PTPRK: variants seen among roughly 807,000 people sequenced by gnomAD.
The protein encoded by PTPRK is protein tyrosine phosphatase receptor type K, also known as receptor-type tyrosine-protein phosphatase kappa.
A neutral mutation model predicts 178.0 loss-of-function variants in PTPRK; 75 were observed. That is an observed-to-expected ratio of 0.42 (90% CI 0.35 to 0.51). The LOEUF (loss-of-function observed/expected upper bound fraction) is 0.51. Ranked by LOEUF, PTPRK falls within the 20% of genes least tolerant of loss-of-function variation. PTPRK has a pLI of 0.02. For synonymous variants in PTPRK, 637 were observed against 620.6 expected (o/e 1.03, Z -0.39); for missense variants, 1,441 against 1,797.8 (o/e 0.80, Z 3.59).
chr6:128,351,635 A>C (rs1041213732), intron 2 of PTPRK, among the ~76,000 whole-genome samples: 1 of 152,180 alleles, frequency 6.6e-6, no homozygotes, highest in Non-Finnish European at 1.5e-5. Flanking sequence ...GAACTCCCAA[A>C]ACCCTAAGGG....
chr6:128,183,205 C>G (rs777919296), intron 7 of PTPRK, among the ~76,000 whole-genome samples: 19 of 152,062 alleles, frequency 1.2e-4, no homozygotes, highest in Non-Finnish European at 2.8e-4. Context: ...ATTTCTCTGA[C>G]TAGTTGAGAT....
chr6:128,081,689 A>G (rs557508948), intron 10 of PTPRK, among the ~76,000 whole-genome samples: 1 of 152,144 alleles, frequency 6.6e-6, no homozygotes, highest in South Asian at 2.1e-4. Context: ...CTCTTCATTT[A>G]CATATACAAT....
Position 128,066,870 on chromosome 6 carries a change from G to C in PTPRK, c.2157+649C>G, listed in dbSNP as rs1781866472. Among the ~76,000 whole-genome samples the C allele has an allele frequency of 2.6e-5, 4 of 152,172 alleles. No homozygotes were observed. The South Asian group carries it at 8.3e-4, about 32-fold the overall frequency. On this transcript the variant is annotated intron_variant, in intron 12 of 29. Transcript: ENST00000368226. ...TGTTTTCCTCTTCAATATTCATTTGGGATCAGCAGCAGTGTTCAAAAACAA... is the reference window on the plus strand; with the variant it reads ...TGTTTTCCTCTTCAATATTCATTTGCGATCAGCAGCAGTGTTCAAAAACAA...
chr6:128,282,985 C>T (rs1821915056), intron 3 of PTPRK, among the ~76,000 whole-genome samples: 2 of 152,076 alleles, frequency 1.3e-5, no homozygotes, highest in African/African-American at 2.4e-5. Context: ...TATATGAGTC[C>T]TATGTGGAAA....
At chr6:128,439,923 T>C (rs1846072483) in intron 1 of PTPRK, among the ~76,000 whole-genome samples, 1 of 152,206 alleles carries the variant, frequency 6.6e-6, no homozygotes, top group East Asian at 1.9e-4. Flanking sequence ...CCCTATCTTT[T>C]CCTTTTCTTT....
intron 2 of PTPRK, among the ~76,000 whole-genome samples, chr6:128,342,782 T>A (rs1484161010): frequency 6.6e-6 from 1 of 152,158 alleles, no homozygotes; most frequent in Non-Finnish European, 1.5e-5. Context: ...TCTACAAATT[T>A]TTTTTTCTAA....
rs767603740 is a variant in PTPRK, at chr6:128,067,672, A to G, written c.2004T>C (p.Tyr668=). Residue 668 remains tyrosine (Y), a synonymous_variant, in exon 12 of 30, where the codon TAT becomes TAC. Coordinates refer to ENST00000368226, the MANE Select transcript of PTPRK (RefSeq NM_002844.4). ...YQNAMSGGAP[Y]YFAAELPPGN... is the part of the protein sequence containing the mutation. ...CCGGGGGGAGTTCTGCAGCAAAGTAATACGGTGCACCCCCACTCATGGCAT... is the reference window on the plus strand; with the variant it reads ...CCGGGGGGAGTTCTGCAGCAAAGTAGTACGGTGCACCCCCACTCATGGCAT... 4 of 1,613,754 alleles carry G rather than the reference A, an allele frequency of 2.5e-6. No homozygotes were observed. In the South Asian group the frequency reaches 4.4e-5, roughly 18 times the overall value.
intron 1 of PTPRK, among the ~76,000 whole-genome samples, chr6:128,434,138 C>A (rs183280118): frequency 1.2e-4 from 18 of 152,140 alleles, no homozygotes; most frequent in African/African-American, 3.6e-4. Context: ...AGGAAGATGA[C>A]AAACTAGCCT....
intron 5 of PTPRK, among the ~76,000 whole-genome samples, chr6:128,233,704 C>T (rs1280399362): frequency 6.6e-6 from 1 of 152,204 alleles, no homozygotes; most frequent in Admixed American, 6.5e-5. Context: ...ACGGAGGAGG[C>T]ACAGTGCCAG....
chr6:128,062,902 C>T (rs1246781495), intron 13 of PTPRK: 2 of 151,728 alleles, frequency 1.3e-5, no homozygotes, highest in Non-Finnish European at 2.9e-5. Flanking sequence ...TTTGCCCAAG[C>T]TGATATCAAA....
chr6:128,189,246 T>C (rs992581068), intron 6 of PTPRK, among the ~76,000 whole-genome samples: 1 of 136,158 alleles, frequency 7.3e-6, no homozygotes, highest in Non-Finnish European at 1.6e-5. Flanking sequence ...TTTTTTTTTT[T>C]TTTTTTTTTT....
At position 128,004,460 on chromosome 6, in the gene PTPRK, T is replaced by C. The variant is rs79466121; in HGVS notation, c.2494+624A>G. Among the ~76,000 whole-genome samples the C allele has an allele frequency of 2.4e-4, 36 of 151,966 alleles. No homozygotes were observed. The East Asian group carries it at 5.3e-3, about 22-fold the overall frequency. Reference sequence around the variant, plus strand: ...AAATATTTTAAAAGCCTTGCCTTCATAGACCAACATTAGGAATTTTCAAGA... The same window carrying C: ...AAATATTTTAAAAGCCTTGCCTTCACAGACCAACATTAGGAATTTTCAAGA... On this transcript the variant is annotated intron_variant, in intron 15 of 29. Transcript: ENST00000368226.
At chr6:128,437,889 A>C (rs1336442754) in intron 1 of PTPRK, among the ~76,000 whole-genome samples, 3 of 152,242 alleles carry the variant, frequency 2.0e-5, no homozygotes, top group Non-Finnish European at 1.5e-5. Flanking sequence ...GGCAGGGTTA[A>C]CAGGACACAG....
At chr6:128,429,973 C>T (rs954946693) in intron 1 of PTPRK, among the ~76,000 whole-genome samples, 2 of 151,968 alleles carry the variant, frequency 1.3e-5, no homozygotes, top group African/African-American at 4.8e-5. Flanking sequence ...TATAAAAGAT[C>T]AGAATGAAAA....
At position 127,973,696 on chromosome 6, in the gene PTPRK, C is replaced by T. The variant is rs1206245345; in HGVS notation, c.4101G>A (p.Glu1367=). 2 of 1,614,020 alleles carry T rather than the reference C, an allele frequency of 1.2e-6. No individual in the cohort carries two copies. The highest frequency in any genetic ancestry group is 1.1e-5 in the South Asian group (1 of 91,072). ...LQVEKWQEEC[E]EGEGRTIIHC... ...GGATAATCGTCCGGCCTTCCCCTTC[C>T]TCGCATTCCTCCTGCCACTTTTCCA... Residue 1367 remains glutamate (E), a synonymous_variant, in exon 28 of 30, where the codon GAG becomes GAA. Coordinates refer to ENST00000368226, the MANE Select transcript of PTPRK (RefSeq NM_002844.4).
chr6:128,499,735 G>T (rs544108529), intron 1 of PTPRK, among the ~76,000 whole-genome samples: 2 of 152,256 alleles, frequency 1.3e-5, no homozygotes, highest in South Asian at 4.1e-4. Context: ...GACATATAAG[G>T]ATACATAAAT....
intron 3 of PTPRK, among the ~76,000 whole-genome samples, chr6:128,302,446 G>C (rs150631774): frequency 6.8e-6 from 1 of 147,714 alleles, no homozygotes; most frequent in Non-Finnish European, 1.5e-5. Flanking sequence ...TATCATGTGC[G>C]TCAGAACTAT....
chr6:128,273,490 T>C (rs1820225171), intron 3 of PTPRK, among the ~76,000 whole-genome samples: 1 of 152,180 alleles, frequency 6.6e-6, no homozygotes, highest in East Asian at 1.9e-4. Flanking sequence ...CTATGTAAAA[T>C]TGAGTTTACA....
chr6:128,182,908 C>T (rs1000413662), intron 7 of PTPRK, among the ~76,000 whole-genome samples: 8 of 151,624 alleles, frequency 5.3e-5, no homozygotes, highest in Admixed American at 6.6e-5. Flanking sequence ...CCTATTTTGA[C>T]GAAAATAAAA....
Sources: gnomAD v4.1 joint callset for allele counts (sites outside exome capture counted in the v4.1 genomes callset) on GRCh38, gnomAD v4.1.1 for gene constraint, MANE v1.5 for transcripts, NCBI Gene and HGNC (gene_info 2026-07-23, HGNC 2026-07-21) for gene names.